ZNF516: variants seen among roughly 807,000 people sequenced by gnomAD.
The protein encoded by ZNF516 is zinc finger protein 516.
Under a neutral mutation model 79.7 loss-of-function variants are expected in ZNF516, and 19 were observed. The observed-to-expected ratio is 0.24, with a 90% confidence interval of 0.17 to 0.35. The LOEUF (loss-of-function observed/expected upper bound fraction) is 0.35. ZNF516 is among the 10% of genes least tolerant of loss of function. The pLI is 1.00. For synonymous variants in ZNF516, 877 were observed against 739.5 expected, an observed-to-expected ratio of 1.19 and a Z score of -3.02; for missense variants, 1,678 against 1,679.5, an observed-to-expected ratio of 1.00 and a Z score of 0.02.
In ZNF516 at chr18:76,360,646, A is replaced by AAAAAAATATATATATAT. The variant is rs373540251; in HGVS notation, c.*1851_*1852insATATATATATATTTTTT. 1.4e-5 allele frequency: 1 copy of AAAAAAATATATATATAT among 72,494 alleles called. No homozygotes were observed. Among genetic ancestry groups the AAAAAAATATATATATAT allele is most frequent in the African/African-American group, 6.1e-5 (1 of 16,370 alleles). 4.5% of individuals were successfully genotyped at this position (72,494 alleles called of 1,614,324 possible). A position where few individuals can be genotyped will look rare whatever the true frequency, so the allele number is the denominator to read the frequency against. On this transcript the variant is annotated 3_prime_UTR_variant, in exon 7 of 7. Coordinates refer to ENST00000443185, the MANE Select transcript of ZNF516 (RefSeq NM_014643.4). ...AAAAAAATAAGTAAAAAAAAAAAAA[A>AAAAAAATATATATATAT]ATATATATATATATATATATATATA...
intron 3 of ZNF516, chr18:76,385,845 C>T (rs1256779452): frequency 6.6e-6 from 1 of 152,124 alleles, no homozygotes; most frequent in Non-Finnish European, 1.5e-5. Context: ...AGCCCACCTG[C>T]AGGAGGTAGC....
intron 3 of ZNF516, chr18:76,385,863 C>G (rs2074983450): frequency 6.6e-6 from 1 of 152,214 alleles, no homozygotes. Context: ...AGCGCCGGCC[C>G]CGGTGCCAGG....
chr18:76,383,100 A>G (rs921746560), intron 3 of ZNF516, among the ~76,000 whole-genome samples: 1 of 151,204 alleles, frequency 6.6e-6, no homozygotes, highest in Non-Finnish European at 1.5e-5. Context: ...ACCGGTCGAG[A>G]GTGAACGGCA....
intron 1 of ZNF516, among the ~76,000 whole-genome samples, chr18:76,482,762 AAACT>A (rs928323943): frequency 6.6e-6 from 1 of 152,204 alleles, no homozygotes; most frequent in Non-Finnish European, 1.5e-5. Flanking sequence ...AGAAACAAGC[AAACT>A]ATTATTACCA....
At chr18:76,373,515 C>A (rs1674491865) in intron 4 of ZNF516, among the ~76,000 whole-genome samples, 1 of 152,216 alleles carries the variant, frequency 6.6e-6, no homozygotes, top group Non-Finnish European at 1.5e-5. Flanking sequence ...CTGACCACGC[C>A]TACACACAAT....
chr18:76,495,276 G>T (rs1159076084), upstream of ZNF516: 3 of 145,230 alleles, frequency 2.1e-5, no homozygotes, highest in Admixed American at 6.8e-5. Flanking sequence ...CGGGCGCGGG[G>T]GACGCGCGAG....
chr18:76,402,648 G>C (rs1367342029), intron 3 of ZNF516, among the ~76,000 whole-genome samples: 1 of 152,184 alleles, frequency 6.6e-6, no homozygotes, highest in Non-Finnish European at 1.5e-5. Context: ...CTGAAGAGTC[G>C]CAACAGATCT....
intron 1 of ZNF516, among the ~76,000 whole-genome samples, chr18:76,469,682 T>G (rs1287853713): frequency 6.6e-6 from 1 of 152,206 alleles, no homozygotes; most frequent in Non-Finnish European, 1.5e-5. Flanking sequence ...TTTTCTATTT[T>G]TATCTTCTTC....
chr18:76,403,463 G>T (rs1221544119), intron 3 of ZNF516, among the ~76,000 whole-genome samples: 6 of 152,204 alleles, frequency 3.9e-5, no homozygotes, highest in African/African-American at 7.2e-5. Context: ...AGGCATGTGT[G>T]CAGTCACACA....
upstream of ZNF516, chr18:76,496,341 C>T (rs1053613790): frequency 7.8e-7 from 1 of 1,289,678 alleles, no homozygotes; most frequent in African/African-American, 1.5e-5. Flanking sequence ...GGATTCCGTC[C>T]AAGACGCCCA....
At chr18:76,455,638 T>A (rs1912675995) in intron 2 of ZNF516, among the ~76,000 whole-genome samples, 1 of 152,180 alleles carries the variant, frequency 6.6e-6, no homozygotes, top group Admixed American at 6.5e-5. Context: ...TCAAGAAAAT[T>A]ACATTCACCT....
intron 4 of ZNF516, among the ~76,000 whole-genome samples, chr18:76,377,317 TA>T (rs1192287094): frequency 2.0e-5 from 3 of 152,396 alleles, no homozygotes; most frequent in Non-Finnish European, 4.4e-5. Context: ...GGCCTCATCC[TA>T]AAAAGTTCAC....
At chr18:76,413,626 A>C (rs1023005100) in intron 3 of ZNF516, among the ~76,000 whole-genome samples, 3 of 152,186 alleles carry the variant, frequency 2.0e-5, no homozygotes, top group African/African-American at 7.2e-5. Flanking sequence ...AGCACACCTT[A>C]ACGCCCACCC....
intron 1 of ZNF516, among the ~76,000 whole-genome samples, chr18:76,489,055 GTCTC>G (rs1915004310): frequency 6.6e-6 from 1 of 152,200 alleles, no homozygotes; most frequent in Non-Finnish European, 1.5e-5. Context: ...TTATATTTCA[GTCTC>G]TATCTCTACA....
rs559335760 is a variant in ZNF516 at position 76,379,199 on chromosome 18, T to C, written c.2915A>G (p.Asp972Gly). The change falls in exon 4 of 7, where the codon GAC becomes GGC. Residue 972 changes from aspartate to glycine, a missense_variant. Asp to Gly is a moderately conservative substitution (Grantham distance 94). Around this residue, in one of 5 missense-constraint regions of ZNF516, gnomAD observed 1,294 missense variants for 1,248.3 expected, o/e 1.04. Transcript: ENST00000443185. ...AGCACTGAATTTGGCTTTCAGGGAG[T>C]CCGGGGCACTGTGCTTATTTGTGGG... ...FAPTNKHSAP[D>G]SLKAKFSAQP... 2 of 1,612,714 alleles carry C rather than the reference T, an allele frequency of 1.2e-6. No homozygotes were observed. Among genetic ancestry groups the C allele is most frequent in the South Asian group, 1.1e-5 (1 of 91,076 alleles).
intron 3 of ZNF516, among the ~76,000 whole-genome samples, chr18:76,418,682 GA>G (rs1213418276): frequency 6.6e-6 from 1 of 151,778 alleles, no homozygotes; most frequent in Non-Finnish European, 1.5e-5. Flanking sequence ...GTGAAAAAAA[GA>G]AAGTGGAAAC....
intron 1 of ZNF516, among the ~76,000 whole-genome samples, chr18:76,472,685 G>A (rs112905447): frequency 6.6e-6 from 1 of 152,144 alleles, no homozygotes; most frequent in Non-Finnish European, 1.5e-5. Context: ...AGTCCTTTAA[G>A]AGCAACCTGG....
chr18:76,413,227 C>T (rs1859114252), intron 3 of ZNF516, among the ~76,000 whole-genome samples: 1 of 152,284 alleles, frequency 6.6e-6, no homozygotes, highest in African/African-American at 2.4e-5. Flanking sequence ...TCCTGCAAAC[C>T]TTGCCAAAAC....
At chr18:76,474,182 A>C (rs1253530770) in intron 1 of ZNF516, among the ~76,000 whole-genome samples, 1 of 152,248 alleles carries the variant, frequency 6.6e-6, no homozygotes, top group Non-Finnish European at 1.5e-5. Flanking sequence ...AATCTCTCGT[A>C]AGCATGGCAG....
Sources: gnomAD v4.1 joint callset for allele counts (sites outside exome capture counted in the v4.1 genomes callset) on GRCh38, gnomAD v4.1.1 for gene constraint, gnomAD v4.1.1 regional missense constraint, MANE v1.5 for transcripts, NCBI Gene and HGNC (gene_info 2026-07-23, HGNC 2026-07-21) for gene names.